Variants in VDR observed in about 807,000 individuals in gnomAD.
VDR encodes vitamin D3 receptor.
A neutral mutation model predicts 39.7 loss-of-function variants in VDR; 19 were observed. The observed-to-expected ratio is 0.48, with a 90% CI of 0.33 to 0.70. VDR has a LOEUF of 0.70. Ranked by LOEUF, VDR falls within the 30% of genes least tolerant of loss-of-function variation. The probability of loss-of-function intolerance (pLI) is 0.02; values close to 1 mark genes in which losing one functional copy is unlikely to be tolerated. For synonymous variants in VDR, 242 were observed against 215.8 expected (o/e 1.12, Z -1.07); for missense variants, 442 against 570.5 (o/e 0.77, Z 2.29).
At chr12:47,854,236 C>G (rs1945440723) in intron 7 of VDR, among the ~76,000 whole-genome samples, 2 of 152,106 alleles carry the variant, frequency 1.3e-5, no homozygotes, top group African/African-American at 2.4e-5. Context: ...ATTCTCCTGC[C>G]TCAGCCTCCC....
chr12:47,866,965 C>T (rs1162483767), intron 3 of VDR, among the ~76,000 whole-genome samples: 4 of 151,802 alleles, frequency 2.6e-5, no homozygotes, highest in East Asian at 3.9e-4. Context: ...CACTGCACTC[C>T]AGCCTGGGCA....
Position 47,846,762 on chromosome 12 carries a change from T to A in VDR, c.802A>T (p.Ile268Phe). 6.2e-7 allele frequency: 1 copy of A among 1,614,240 alleles called. No individual in the cohort carries two copies. The highest frequency in any genetic ancestry group is 8.5e-7 in the Non-Finnish European group (1 of 1,180,042). The part of the protein sequence containing the change: ...DQIVLLKSSA[I>F]EVIMLRSNES... ...TTGGAGCGCAACATGATGACCTCAA[T>A]GGCACTTGACTTCAGCAGTACGATC... Residue 268 changes from isoleucine to phenylalanine, a missense_variant, in exon 8 of 10, where the codon ATT becomes TTT. By Grantham distance (21) the Ile-to-Phe change is conservative. Transcript: ENST00000549336.
intron 3 of VDR, among the ~76,000 whole-genome samples, chr12:47,874,525 G>C (rs1014888008): frequency 3.3e-5 from 5 of 152,074 alleles, no homozygotes; most frequent in African/African-American, 1.2e-4. Context: ...CCTGCACTCC[G>C]CATGACCCAT....
intron 1 of VDR, among the ~76,000 whole-genome samples, chr12:47,903,693 G>T (rs1029600260): frequency 1.3e-5 from 2 of 152,070 alleles, no homozygotes; most frequent in Non-Finnish European, 1.5e-5. Flanking sequence ...AATTTCTTTT[G>T]CTCACCCCCT....
chr12:47,878,242 G>A (rs942936718), intron 3 of VDR, among the ~76,000 whole-genome samples: 1 of 152,100 alleles, frequency 6.6e-6, no homozygotes, highest in African/African-American at 2.4e-5. Flanking sequence ...CATGCCAAAT[G>A]CTAATTTCTC....
intron 5 of VDR, 47 bp downstream of exon 5, chr12:47,857,457 A>G (rs1269376683): frequency 9.3e-6 from 15 of 1,613,444 alleles, no homozygotes; most frequent in Non-Finnish European, 1.3e-5. Flanking sequence ...TGGCTCCACT[A>G]GTGCTTCTCC....
At chr12:47,882,953 G>T in intron 1 of VDR, 179 bp from the exon 2 acceptor site, 1 of 547,586 alleles carries the variant, frequency 1.8e-6, no homozygotes, top group Non-Finnish European at 3.2e-6. Context: ...GGGGTGTGGG[G>T]GTGGCGGCTG....
rs1245498873 is a variant in VDR, at chr12:47,844,814, A to T, written c.1216T>A (p.Phe406Ile). ...EHSKQYRCLS[F>I]QPECSMKLTP... is the part of the protein sequence containing the mutation. ...AGCTTCATGCTGCACTCAGGCTGGA[A>T]GGAGAGGCAGCGGTACTGCTTGGAG... The change falls in exon 10 of 10, where the codon TTC (phenylalanine) becomes ATC (isoleucine). Residue 406 changes from phenylalanine (F) to isoleucine (I), a missense_variant. By Grantham distance (21) the Phe-to-Ile change is conservative. Transcript: ENST00000549336. 6.1e-5 allele frequency: 99 copies of T among 1,614,052 alleles called. No homozygotes were observed. The highest frequency in any genetic ancestry group is 8.0e-5 in the Non-Finnish European group (94 of 1,180,016).
At chr12:47,855,840 T>C (rs372545110) in intron 6 of VDR, 39 bp from the exon 7 acceptor site, 15 of 1,611,298 alleles carry the variant, frequency 9.3e-6, no homozygotes, top group Admixed American at 3.3e-5. Flanking sequence ...TATTTAAGGA[T>C]ACTTGGACCA....
intron 3 of VDR, among the ~76,000 whole-genome samples, chr12:47,867,637 T>C (rs969861979): frequency 5.3e-5 from 8 of 152,130 alleles, no homozygotes; most frequent in Admixed American, 1.3e-4. Flanking sequence ...CATAGTTAGA[T>C]GGGGAAAGAT....
chr12:47,888,246 C>T (rs1331694148), intron 1 of VDR, among the ~76,000 whole-genome samples: 1 of 152,184 alleles, frequency 6.6e-6, no homozygotes. Flanking sequence ...CAATTACCTC[C>T]CCCTGGGTCC....
At chr12:47,874,690 C>T (rs1242784145) in intron 3 of VDR, among the ~76,000 whole-genome samples, 1 of 152,192 alleles carries the variant, frequency 6.6e-6, no homozygotes, top group African/African-American at 2.4e-5. Context: ...ACCTGTTTCT[C>T]ATCTTGCCTT....
chr12:47,885,206 G>A (rs1178375887), intron 1 of VDR, among the ~76,000 whole-genome samples: 1 of 152,194 alleles, frequency 6.6e-6, no homozygotes, highest in Non-Finnish European at 1.5e-5. Context: ...AGAAGCAGAG[G>A]GGGAGGAGCT....
intron 1 of VDR, among the ~76,000 whole-genome samples, chr12:47,892,478 G>T (rs1336096667): frequency 6.6e-6 from 1 of 152,190 alleles, no homozygotes; most frequent in East Asian, 1.9e-4. Context: ...CCATCCTTCT[G>T]GGTAGGGTCC....
In VDR at chr12:47,866,373, G is replaced by A. The variant is rs542022543; in HGVS notation, c.147-1196C>T. 2.0e-5 allele frequency among the ~76,000 whole-genome samples: 3 copies of A among 152,352 alleles called. No homozygotes were observed. In the East Asian group the frequency reaches 5.8e-4, roughly 29 times the overall value. On this transcript the variant is annotated intron_variant, in intron 3 of 9. Coordinates refer to ENST00000549336, the MANE Select transcript of VDR (RefSeq NM_000376.3). ...GCCTCCCAAAGTGCTGGGATTACAG[G>A]CGTAAGCCACTGTGCCTGGCCGAAG...
intron 3 of VDR, among the ~76,000 whole-genome samples, chr12:47,873,582 C>T (rs574631370): frequency 2.0e-5 from 3 of 151,416 alleles, no homozygotes; most frequent in South Asian, 2.1e-4. Context: ...AGGATGGTCT[C>T]GATCTCCTGA....
chr12:47,895,884 G>T (rs1946457243), intron 1 of VDR, among the ~76,000 whole-genome samples: 1 of 152,240 alleles, frequency 6.6e-6, no homozygotes. Flanking sequence ...ATCAACCAGC[G>T]TGTGCTCTCC....
At chr12:47,902,076 C>T (rs1395468742) in intron 1 of VDR, among the ~76,000 whole-genome samples, 1 of 152,244 alleles carries the variant, frequency 6.6e-6, no homozygotes, top group African/African-American at 2.4e-5. Flanking sequence ...ATCCCCTCAT[C>T]ACTGCTGTGA....
intron 7 of VDR, among the ~76,000 whole-genome samples, chr12:47,855,134 C>A (rs1945455678): frequency 6.6e-6 from 1 of 152,188 alleles, no homozygotes. Context: ...TCGAGAGCAG[C>A]CTGGCCAACG....
Sources: gnomAD v4.1 joint callset for allele counts (sites outside exome capture counted in the v4.1 genomes callset) on GRCh38, gnomAD v4.1.1 for gene constraint, MANE v1.5 for transcripts, NCBI Gene and HGNC (gene_info 2026-07-23, HGNC 2026-07-21) for gene names.